The following PLPP4 variants were observed in gnomAD, a reference collection of about 807,000 sequenced individuals.
PLPP4 encodes phospholipid phosphatase 4.
Under a neutral mutation model 32.2 loss-of-function variants are expected in PLPP4, and 20 were observed. The ratio of observed to expected loss-of-function variants is 0.62; its 90% CI spans 0.44 to 0.90. The LOEUF is 0.90. Among genes scored for constraint, PLPP4 ranks in the 40% least tolerant of loss-of-function variants. PLPP4 has a pLI of 0.00. For missense variants in PLPP4, 257 were observed against 353.1 expected, an observed-to-expected ratio of 0.73 and a Z score of 2.18; for synonymous variants, 127 against 133.0, an observed-to-expected ratio of 0.95 and a Z score of 0.31.
chr10:120,472,684 G>A (rs183118700), intron 1 of PLPP4, among the ~76,000 whole-genome samples: 5 of 151,864 alleles, frequency 3.3e-5, no homozygotes, highest in African/African-American at 1.2e-4. Flanking sequence ...ACCCAATTCT[G>A]TTGCTCCTGT....
chr10:120,588,332 G>C (rs935344265), intron 6 of PLPP4, among the ~76,000 whole-genome samples: 2 of 152,208 alleles, frequency 1.3e-5, no homozygotes, highest in African/African-American at 4.8e-5. Flanking sequence ...GGGGCGGAGG[G>C]CTGGTATTCC....
chr10:120,525,799 A>T (rs1846361961), intron 5 of PLPP4, among the ~76,000 whole-genome samples: 1 of 152,118 alleles, frequency 6.6e-6, no homozygotes, highest in Non-Finnish European at 1.5e-5. Flanking sequence ...GTCTGACTGC[A>T]TTCCTTTCCT....
At chr10:120,563,196 G>A (rs765222188) in intron 5 of PLPP4, among the ~76,000 whole-genome samples, 1 of 152,110 alleles carries the variant, frequency 6.6e-6, no homozygotes, top group Non-Finnish European at 1.5e-5. Context: ...CGGAGATCGC[G>A]CCACTGCACT....
chr10:120,460,451 C>T (rs1847989701), intron 1 of PLPP4, among the ~76,000 whole-genome samples: 1 of 152,164 alleles, frequency 6.6e-6, no homozygotes, highest in African/African-American at 2.4e-5. Flanking sequence ...CAATGGTGCA[C>T]TACTAGAAGC....
intron 1 of PLPP4, among the ~76,000 whole-genome samples, chr10:120,478,972 A>G (rs937934210): frequency 6.6e-6 from 1 of 152,234 alleles, no homozygotes; most frequent in Non-Finnish European, 1.5e-5. Flanking sequence ...CACGCCTGTA[A>G]TCCCAGCACT....
intron 5 of PLPP4, among the ~76,000 whole-genome samples, chr10:120,554,570 T>C (rs35796451): frequency 0.052 from 7,981 of 152,262 alleles, 293 homozygotes; most frequent in Middle Eastern, 0.14. Flanking sequence ...TCTTAGTTCA[T>C]TCTCAAACTG....
In PLPP4 at chr10:120,528,080, T is replaced by G. The variant is rs974137938; in HGVS notation, c.445+6985T>G. On this transcript the variant is annotated intron_variant, in intron 5 of 6. Transcript: ENST00000398250. Reference sequence around the variant, plus strand: ...AAATACCACTCTCCGTTTTTTTTTTTTTTTTTTTTTTTGAGGCGGAGTCTC... The same window carrying G: ...AAATACCACTCTCCGTTTTTTTTTTGTTTTTTTTTTTTGAGGCGGAGTCTC... Among the ~76,000 whole-genome samples, 19 of 141,466 alleles carry G rather than the reference T, an allele frequency of 1.3e-4. 1 individual carries two copies. The highest frequency in any genetic ancestry group is 6.4e-4 in the Admixed American group (9 of 14,172). 92.8% of individuals were successfully genotyped at this position (141,466 alleles called of 152,430 possible). A position where few individuals can be genotyped will look rare whatever the true frequency, so the allele number is the denominator to read the frequency against.
intron 1 of PLPP4, among the ~76,000 whole-genome samples, chr10:120,500,094 C>T (rs1845171015): frequency 6.6e-6 from 1 of 152,202 alleles, no homozygotes; most frequent in Non-Finnish European, 1.5e-5. Flanking sequence ...TTTCTTAGTA[C>T]TGCTACTCCC....
intron 2 of PLPP4, among the ~76,000 whole-genome samples, chr10:120,505,524 A>G: frequency 6.6e-6 from 1 of 152,186 alleles, no homozygotes; most frequent in Non-Finnish European, 1.5e-5. Context: ...TTGTATTTTG[A>G]AAGAAATCCC....
chr10:120,569,036 C>CAAGACCAG (rs1318159784), intron 5 of PLPP4, among the ~76,000 whole-genome samples: 1 of 152,184 alleles, frequency 6.6e-6, no homozygotes, highest in African/African-American at 2.4e-5. Flanking sequence ...GTCAGGAGTT[C>CAAGACCAG]AAGACCAGCC....
intron 1 of PLPP4, among the ~76,000 whole-genome samples, chr10:120,474,391 A>G (rs1843806201): frequency 6.6e-6 from 1 of 152,218 alleles, no homozygotes; most frequent in Admixed American, 6.5e-5. Context: ...TACAAAATTC[A>G]GCTCAGAATT....
intron 5 of PLPP4, among the ~76,000 whole-genome samples, chr10:120,537,423 C>T (rs150757716): frequency 1.7e-4 from 26 of 152,174 alleles, no homozygotes; most frequent in African/African-American, 5.5e-4. Flanking sequence ...TTACGCTAAG[C>T]GAAATAAGCC....
intron 5 of PLPP4, among the ~76,000 whole-genome samples, chr10:120,528,091 T>TG (rs1214245519): frequency 2.0e-5 from 3 of 148,286 alleles, no homozygotes; most frequent in Non-Finnish European, 4.5e-5. Flanking sequence ...TTTTTTTTTT[T>TG]TGAGGCGGAG....
chr10:120,470,681 T>C (rs1589719165), intron 1 of PLPP4, among the ~76,000 whole-genome samples: 10 of 152,238 alleles, frequency 6.6e-5, no homozygotes, highest in Admixed American at 5.9e-4. Context: ...AATTCTATTC[T>C]GAATATCTAT....
intron 1 of PLPP4, among the ~76,000 whole-genome samples, chr10:120,494,113 G>C (rs1316020882): frequency 6.6e-6 from 1 of 152,184 alleles, no homozygotes; most frequent in Non-Finnish European, 1.5e-5. Context: ...GTAGGGAGGG[G>C]AACTTGTGGT....
At chr10:120,496,795 A>G (rs897799819) in intron 1 of PLPP4, among the ~76,000 whole-genome samples, 1 of 152,180 alleles carries the variant, frequency 6.6e-6, no homozygotes, top group Non-Finnish European at 1.5e-5. Flanking sequence ...AACAAGACAC[A>G]TATCCTGGGG....
chr10:120,482,922 G>A (rs1383341348), intron 1 of PLPP4, among the ~76,000 whole-genome samples: 1 of 152,052 alleles, frequency 6.6e-6, no homozygotes, highest in Non-Finnish European at 1.5e-5. Flanking sequence ...ATTCCTGGGT[G>A]TGTCTGTGAG....
intron 5 of PLPP4, among the ~76,000 whole-genome samples, chr10:120,535,192 T>C (rs1846959606): frequency 6.6e-6 from 1 of 152,216 alleles, no homozygotes; most frequent in Admixed American, 6.5e-5. Context: ...ATTATTATTA[T>C]GTCCAAGCAT....
At chr10:120,487,755 G>A (rs1564790000) in intron 1 of PLPP4, among the ~76,000 whole-genome samples, 1 of 152,180 alleles carries the variant, frequency 6.6e-6, no homozygotes, top group Non-Finnish European at 1.5e-5. Flanking sequence ...AAGTCATCCA[G>A]TCCAGTTCCT....
Sources: allele counts gnomAD v4.1 joint callset (sites outside exome capture counted in the v4.1 genomes callset), GRCh38; gene constraint gnomAD v4.1.1; transcripts MANE v1.5; gene names NCBI Gene and HGNC (gene_info 2026-07-23, HGNC 2026-07-21).